Variants in PDCL observed in about 807,000 individuals in gnomAD.
PDCL encodes phosducin-like protein.
PDCL carries 11 observed loss-of-function variants against 26.7 expected under a neutral mutation model. The observed-to-expected ratio is 0.41, with a 90% CI of 0.26 to 0.68. PDCL has a LOEUF of 0.68. Ranked by LOEUF, PDCL falls within the 30% of genes least tolerant of loss-of-function variation. PDCL has a pLI of 0.30. For missense variants in PDCL, 330 were observed against 371.6 expected, an observed-to-expected ratio of 0.89 and a Z score of 0.92; for synonymous variants, 118 against 134.9, an observed-to-expected ratio of 0.87 and a Z score of 0.87.
intron 2 of PDCL, among the ~76,000 whole-genome samples, chr9:122,824,013 G>A (rs981818235): frequency 7.2e-5 from 11 of 152,156 alleles, no homozygotes; most frequent in Admixed American, 2.6e-4. Flanking sequence ...CAGGTGATCC[G>A]CCCGCCTCGG....
intron 2 of PDCL, among the ~76,000 whole-genome samples, chr9:122,824,576 A>T (rs959080922): frequency 7.2e-5 from 11 of 152,230 alleles, no homozygotes; most frequent in Admixed American, 6.5e-4. Flanking sequence ...TTTGGAGTCT[A>T]TTGGTTTCAC....
At chr9:122,821,333 CTACT>C (rs1402319310) in intron 3 of PDCL, among the ~76,000 whole-genome samples, 1 of 151,180 alleles carries the variant, frequency 6.6e-6, no homozygotes, top group African/African-American at 2.4e-5. Context: ...AATATTTTAT[CTACT>C]TTTTTTTTGA....
Position 122,823,203 on chromosome 9 carries a change from T to C in PDCL, c.173-6A>G. 2 of 1,613,918 alleles carry C rather than the reference T, an allele frequency of 1.2e-6. No homozygotes were observed. The highest frequency in any genetic ancestry group is 1.7e-6 in the Non-Finnish European group (2 of 1,179,962). ...ATTGATCACACCTTTTGGGCCTGAG[T>C]AGGGTGAACACGGATGTGACCAAGG... is the stretch of plus-strand genomic sequence containing the variant. On this transcript the variant is annotated splice_polypyrimidine_tract_variant and splice_region_variant and intron_variant, in intron 2 of 3. Coordinates refer to ENST00000259467, the MANE Select transcript of PDCL (RefSeq NM_005388.5).
Position 122,823,127 on chromosome 9 carries a change from G to A in PDCL, c.243C>T (p.Cys81=). The A allele has an allele frequency of 1.2e-6, 2 of 1,614,034 alleles. No homozygotes were observed. The highest frequency in any genetic ancestry group is 1.7e-6 in the Non-Finnish European group (2 of 1,180,022). Residue 81 remains cysteine (C), a synonymous_variant, in exon 3 of 4, where the codon TGC becomes TGT. Transcript: ENST00000259467. ...QLETEQREEQ[C]REMERLIKKL... Reference sequence around the variant, plus strand: ...TCTTGATCAGCCTTTCCATCTCCCGGCACTGCTCCTCCCTCTGCTCTGTCT... The same window carrying A: ...TCTTGATCAGCCTTTCCATCTCCCGACACTGCTCCTCCCTCTGCTCTGTCT...
chr9:122,827,127 C>T (rs1403944303), intron 1 of PDCL, among the ~76,000 whole-genome samples: 1 of 152,222 alleles, frequency 6.6e-6, no homozygotes, highest in African/African-American at 2.4e-5. Context: ...TACAAGCCAC[C>T]TGCACTGGCT....
intron 3 of PDCL, 84 bp downstream of exon 3, chr9:122,822,932 C>G: frequency 2.4e-6 from 3 of 1,259,270 alleles, no homozygotes; most frequent in Non-Finnish European, 3.4e-6. Context: ...GAGGTCAAAT[C>G]AAGCATCCTC....
At position 122,823,006 on chromosome 9, in the gene PDCL, T is replaced by A; in HGVS notation, c.354+10A>T. On this transcript the variant is annotated intron_variant, in intron 3 of 3. Coordinates refer to ENST00000259467, the MANE Select transcript of PDCL (RefSeq NM_005388.5). ...CAGACTCTAAGAAAAGCCTGAGTAC[T>A]GCTAATTACCTTCCCACTGATCTTC... 6.2e-7 allele frequency: 1 copy of A among 1,613,048 alleles called. No homozygotes were observed. Among genetic ancestry groups the A allele is most frequent in the East Asian group, 2.2e-5 (1 of 44,884 alleles).
rs1291529354 is a variant in PDCL at position 122,823,211 on chromosome 9, A to T, written c.173-14T>A. ...CACCTTTTGGGCCTGAGTAGGGTGAACACGGATGTGACCAAGGAGAATGGG... is the reference window on the plus strand; with the variant it reads ...CACCTTTTGGGCCTGAGTAGGGTGATCACGGATGTGACCAAGGAGAATGGG... On this transcript the variant is annotated splice_polypyrimidine_tract_variant and intron_variant, in intron 2 of 3. Coordinates refer to ENST00000259467, the MANE Select transcript of PDCL (RefSeq NM_005388.5). The T allele has an allele frequency of 6.2e-7, 1 of 1,613,514 alleles. No homozygotes were observed. Among genetic ancestry groups the T allele is most frequent in the Non-Finnish European group, 8.5e-7 (1 of 1,179,606 alleles).
At position 122,820,285 on chromosome 9, in the gene PDCL, G is replaced by A. The variant is rs759152852; in HGVS notation, c.706C>T (p.Leu236=). 1 of 1,614,164 alleles carries A rather than the reference G, an allele frequency of 6.2e-7. No individual in the cohort carries two copies. The highest frequency in any genetic ancestry group is 2.2e-5 in the East Asian group (1 of 44,890). The change falls in exon 4 of 4, where the codon CTG becomes TTG. Residue 236 remains leucine, a synonymous_variant. Coordinates refer to ENST00000259467, the MANE Select transcript of PDCL (RefSeq NM_005388.5). ...AATTCACCCCCCTTATAGATCAGCA[G>A]GGCAGGAAGGGCATTCCTGGTGAAC... is the stretch of plus-strand genomic sequence containing the variant. ...SQFTRNALPA[L]LIYKGGELIG... is the part of the protein sequence containing the mutation.
In PDCL at chr9:122,819,619, A is replaced by G. The variant is rs1467441160; in HGVS notation, c.*466T>C. 1 of 152,602 alleles carries G rather than the reference A, an allele frequency of 6.6e-6. No individual in the cohort carries two copies. Among genetic ancestry groups the G allele is most frequent in the African/African-American group, 2.4e-5 (1 of 41,452 alleles). The allele number at this position is 152,602 out of a possible 1,614,324, so 9.5% of individuals were successfully genotyped here. On this transcript the variant is annotated 3_prime_UTR_variant, in exon 4 of 4. Transcript: ENST00000259467. ...ACAAGACCCTGGTGGGGAAAAAAAA[A>G]ATCTAACCACCGTCTAAAGCTATGG...
chr9:122,821,980 T>C (rs1200147646), intron 3 of PDCL, among the ~76,000 whole-genome samples: 1 of 152,134 alleles, frequency 6.6e-6, no homozygotes, highest in Non-Finnish European at 1.5e-5. Context: ...ATTTTACTTA[T>C]TGCCAATTTT....
At chr9:122,824,166 C>T (rs1300208614) in intron 2 of PDCL, among the ~76,000 whole-genome samples, 2 of 152,260 alleles carry the variant, frequency 1.3e-5, no homozygotes, top group East Asian at 1.9e-4. Context: ...CCTGTGCTGC[C>T]GAAGGACTTA....
intron 2 of PDCL, among the ~76,000 whole-genome samples, chr9:122,825,389 T>G (rs902196525): frequency 1.3e-5 from 2 of 152,124 alleles, no homozygotes; most frequent in Non-Finnish European, 2.9e-5. Context: ...CTCGAACTCC[T>G]GAGCTCAGGC....
chr9:122,823,249 G>A (rs773465349), intron 2 of PDCL, 52 bp from the exon 3 acceptor site: 2 of 1,561,866 alleles, frequency 1.3e-6, no homozygotes, highest in South Asian at 1.1e-5. Context: ...GGGAATTATG[G>A]ACCAGCTGAC....
At chr9:122,822,087 G>A (rs1440866025) in intron 3 of PDCL, among the ~76,000 whole-genome samples, 1 of 152,134 alleles carries the variant, frequency 6.6e-6, no homozygotes, top group Non-Finnish European at 1.5e-5. Flanking sequence ...CCTAAAATCA[G>A]CCTCCTGGTC....
At chr9:122,827,339 G>A (rs928149940) in intron 1 of PDCL, among the ~76,000 whole-genome samples, 1 of 152,144 alleles carries the variant, frequency 6.6e-6, no homozygotes, top group African/African-American at 2.4e-5. Flanking sequence ...CACCCTGAGG[G>A]CTTGGATGGA....
chr9:122,820,930 A>T (rs1829546258), intron 3 of PDCL: 1 of 330,996 alleles, frequency 3.0e-6, no homozygotes, highest in Admixed American at 4.6e-5. Context: ...CCTGGGAGGC[A>T]GAGGTTGCAG....
At position 122,819,974 on chromosome 9, in the gene PDCL, A is replaced by T; in HGVS notation, c.*111T>A. 1 of 831,524 alleles carries T rather than the reference A, an allele frequency of 1.2e-6. No individual in the cohort carries two copies. Among genetic ancestry groups the T allele is most frequent in the Non-Finnish European group, 1.9e-6 (1 of 532,736 alleles). 51.5% of individuals were successfully genotyped at this position (831,524 alleles called of 1,614,324 possible). ...AGAATTTCTTTATTTTATGCATAAT[A>T]AAAGGGACTACAAAGAACAGCTGAA... On this transcript the variant is annotated 3_prime_UTR_variant, in exon 4 of 4. Transcript: ENST00000259467.
chr9:122,823,391 G>A (rs1333877139), intron 2 of PDCL, among the ~76,000 whole-genome samples, 194 bp from the exon 3 acceptor site: 1 of 152,112 alleles, frequency 6.6e-6, no homozygotes, highest in South Asian at 2.1e-4. Flanking sequence ...CAAGGGCCAA[G>A]CTAATGCCCA....
Sources: allele counts gnomAD v4.1 joint callset (sites outside exome capture counted in the v4.1 genomes callset), GRCh38; gene constraint gnomAD v4.1.1; transcripts MANE v1.5; gene names NCBI Gene and HGNC (gene_info 2026-07-23, HGNC 2026-07-21).